SORCS2: variants seen among roughly 807,000 people sequenced by gnomAD.
The protein encoded by SORCS2 is sortilin related VPS10 domain containing receptor 2.
In SORCS2, 100 loss-of-function variants were observed where a neutral mutation model predicts 141.6. The observed-to-expected ratio is 0.71, with a 90% CI of 0.60 to 0.83. The LOEUF is 0.83. Among genes scored for constraint, SORCS2 ranks in the 40% least tolerant of loss-of-function variants. The pLI, the probability that SORCS2 is intolerant of heterozygous loss-of-function variation, is 0.00. For missense variants in SORCS2, 1,646 were observed against 1,560.2 expected (o/e 1.05, Z -0.93); for synonymous variants, 789 against 676.9 (o/e 1.17, Z -2.57).
intron 19 of SORCS2, 134 bp downstream of exon 19, chr4:7,724,017 G>A: frequency 1.9e-6 from 2 of 1,065,708 alleles, no homozygotes; most frequent in East Asian, 2.6e-5. Context: ...CGAGGGCAGG[G>A]AGGCAGGGAG....
rs960144185 is a variant in SORCS2, at chr4:7,250,888, G to A, written c.480+57762G>A. On this transcript the variant is annotated intron_variant, in intron 1 of 26. Transcript: ENST00000507866. ...GGCCTTTTAATATGGACTCGTTGCC[G>A]GAACCGCCACGACACCAGGGCAGGC... Among the ~76,000 whole-genome samples, 4 of 152,388 alleles carry A rather than the reference G, an allele frequency of 2.6e-5. No individual in the cohort carries two copies. The East Asian group carries it at 7.7e-4, about 29-fold the overall frequency.
chr4:7,477,749 ATG>A (rs1266642609), intron 2 of SORCS2, among the ~76,000 whole-genome samples: 1 of 152,174 alleles, frequency 6.6e-6, no homozygotes, highest in African/African-American at 2.4e-5. Context: ...CGGAGAGAAA[ATG>A]TGTGTAGGAA....
intron 1 of SORCS2, among the ~76,000 whole-genome samples, chr4:7,292,655 G>T (rs1167944498): frequency 1.3e-5 from 2 of 152,212 alleles, no homozygotes; most frequent in African/African-American, 4.8e-5. Context: ...AAATCTAAAG[G>T]TTCAAGGGGG....
chr4:7,724,589 T>A (rs1726964258), intron 19 of SORCS2, among the ~76,000 whole-genome samples: 2 of 76,126 alleles, frequency 2.6e-5, no homozygotes, highest in Non-Finnish European at 4.9e-5. Flanking sequence ...ATGGTGGTGG[T>A]GTTGGTGATG....
intron 1 of SORCS2, among the ~76,000 whole-genome samples, chr4:7,224,791 G>A (rs954990318): frequency 6.6e-6 from 1 of 152,144 alleles, no homozygotes; most frequent in African/African-American, 2.4e-5. Context: ...CACTCCCTCC[G>A]ATCCTTCCCC....
intron 2 of SORCS2, among the ~76,000 whole-genome samples, chr4:7,484,324 C>T (rs184313354): frequency 2.0e-5 from 3 of 152,326 alleles, no homozygotes; most frequent in Admixed American, 6.5e-5. Flanking sequence ...CCGACTTTTA[C>T]ATTTTCACAT....
chr4:7,259,429 C>T (rs1304723161), intron 1 of SORCS2, among the ~76,000 whole-genome samples: 4 of 152,148 alleles, frequency 2.6e-5, no homozygotes, highest in East Asian at 1.9e-4. Flanking sequence ...ACTCTGTACT[C>T]GTAGGCCCAG....
chr4:7,392,113 G>A (rs1262791588), intron 1 of SORCS2, among the ~76,000 whole-genome samples: 1 of 152,226 alleles, frequency 6.6e-6, no homozygotes, highest in East Asian at 1.9e-4. Context: ...GGCTGCGCAG[G>A]TTGCAGACCT....
At chr4:7,623,088 T>C (rs1426256665) in intron 3 of SORCS2, among the ~76,000 whole-genome samples, 1 of 151,826 alleles carries the variant, frequency 6.6e-6, no homozygotes, top group Non-Finnish European at 1.5e-5. Context: ...CTAGGGACCA[T>C]TACCCCCCCG....
intron 2 of SORCS2, among the ~76,000 whole-genome samples, chr4:7,460,337 C>A (rs1729217034): frequency 6.6e-6 from 1 of 152,256 alleles, no homozygotes; most frequent in African/African-American, 2.4e-5. Flanking sequence ...AACCAGCCAA[C>A]CCCAGTCGGT....
At chr4:7,421,539 C>T (rs747994587) in intron 2 of SORCS2, among the ~76,000 whole-genome samples, 2 of 152,188 alleles carry the variant, frequency 1.3e-5, no homozygotes, top group Non-Finnish European at 2.9e-5. Flanking sequence ...TACTCGTCAT[C>T]GTCGTTCATG....
At chr4:7,497,773 A>G (rs1233713555) in intron 2 of SORCS2, among the ~76,000 whole-genome samples, 2 of 152,272 alleles carry the variant, frequency 1.3e-5, no homozygotes, top group South Asian at 2.1e-4. Flanking sequence ...GCCCAAGGTG[A>G]CTCCCTTGTG....
At chr4:7,250,170 A>T (rs1482114086) in intron 1 of SORCS2, among the ~76,000 whole-genome samples, 3 of 152,122 alleles carry the variant, frequency 2.0e-5, no homozygotes, top group Admixed American at 6.5e-5. Flanking sequence ...TGAACCCGGG[A>T]GGCGGAGGTT....
chr4:7,291,674 AG>A (rs1311892830), intron 1 of SORCS2, among the ~76,000 whole-genome samples: 1 of 152,200 alleles, frequency 6.6e-6, no homozygotes, highest in African/African-American at 2.4e-5. Context: ...TCTCCGAGAC[AG>A]GAGAAACCAA....
At chr4:7,620,817 G>GA (rs1719115297) in intron 3 of SORCS2, among the ~76,000 whole-genome samples, 1 of 152,202 alleles carries the variant, frequency 6.6e-6, no homozygotes, top group Non-Finnish European at 1.5e-5. Flanking sequence ...TCACGGTGGG[G>GA]GGTCTCCCCT....
intron 1 of SORCS2, among the ~76,000 whole-genome samples, chr4:7,293,365 G>A (rs1473591574): frequency 2.0e-5 from 3 of 151,204 alleles, no homozygotes; most frequent in African/African-American, 7.3e-5. Flanking sequence ...TCCCCTGACC[G>A]ACTTCTCTCT....
At chr4:7,731,100 C>T (rs993679648) in intron 23 of SORCS2, among the ~76,000 whole-genome samples, 1 of 152,258 alleles carries the variant, frequency 6.6e-6, no homozygotes, top group South Asian at 2.1e-4. Flanking sequence ...ACAGCAGAAG[C>T]GCTTCTACAC....
At chr4:7,665,759 C>T (rs2214459) in intron 7 of SORCS2, among the ~76,000 whole-genome samples, 86,062 of 152,200 alleles carry the variant, frequency 0.57, 27,160 homozygotes, top group South Asian at 0.7. Context: ...CTGCAGATGT[C>T]CACTAAGTAC....
chr4:7,714,333 A>G lies in SORCS2; in HGVS notation c.2083A>G (p.Thr695Ala), dbSNP rs1421187550. Residue 695 changes from threonine to alanine, a missense_variant, in exon 16 of 27, where the codon ACG (threonine) becomes GCG (alanine). By Grantham distance (58) the Thr-to-Ala change is moderately conservative (BLOSUM62 0). Coordinates refer to ENST00000507866, the MANE Select transcript of SORCS2 (RefSeq NM_020777.3). ...GGGGAGGAGCTTCACGTCGGCGCTC[A>G]CGTCCCGCGTGTGCGAGTGCCGGGA... ...IKGRSFTSAL[T>A]SRVCECRDSD... The G allele has an allele frequency of 6.4e-7, 1 of 1,574,758 alleles. No individual in the cohort carries two copies. The highest frequency in any genetic ancestry group is 2.4e-5 in the East Asian group (1 of 42,546).
Sources: gnomAD v4.1 joint callset for allele counts (sites outside exome capture counted in the v4.1 genomes callset) on GRCh38, gnomAD v4.1.1 for gene constraint, MANE v1.5 for transcripts, NCBI Gene and HGNC (gene_info 2026-07-23, HGNC 2026-07-21) for gene names.